Variants in PPP5C observed in about 807,000 individuals in gnomAD.
PPP5C encodes protein phosphatase 5 catalytic subunit.
PPP5C carries 21 observed loss-of-function variants against 66.7 expected under a neutral mutation model. The observed-to-expected ratio is 0.31, with a 90% CI of 0.22 to 0.45. The LOEUF (loss-of-function observed/expected upper bound fraction) is 0.45. PPP5C is among the 20% of genes least tolerant of loss of function. The pLI, the probability that PPP5C is intolerant of heterozygous loss-of-function variation, is 1.00. For synonymous variants in PPP5C, 246 were observed against 257.4 expected (o/e 0.96, Z 0.43); for missense variants, 464 against 675.9 (o/e 0.69, Z 3.48).
chr19:46,390,928 G>C lies in PPP5C; in HGVS notation c.*582G>C. 8.5e-7 allele frequency: 1 copy of C among 1,174,958 alleles called. No homozygotes were observed. The highest frequency in any genetic ancestry group is 1.1e-6 in the Non-Finnish European group (1 of 931,762). 72.8% of individuals were successfully genotyped at this position (1,174,958 alleles called of 1,614,324 possible). A position where few individuals can be genotyped will look rare whatever the true frequency, so the allele number is the denominator to read the frequency against. The stretch of plus-strand genomic sequence containing the variant: ...CTGCTCAGGAGATCCGGAGGGTGGG[G>C]AGGCCGCAAAGTCCCGCTGGCCGGG... On this transcript the variant is annotated 3_prime_UTR_variant, in exon 13 of 13. Transcript: ENST00000012443.
At chr19:46,389,425 A>T (rs1972965623) in intron 11 of PPP5C, among the ~76,000 whole-genome samples, 1 of 53,446 alleles carries the variant, frequency 1.9e-5, no homozygotes, top group African/African-American at 7.4e-5. Flanking sequence ...ACACACACAC[A>T]CACACACACA....
At chr19:46,371,988 C>T (rs1471836529) in intron 2 of PPP5C, among the ~76,000 whole-genome samples, 1 of 152,122 alleles carries the variant, frequency 6.6e-6, no homozygotes, top group Non-Finnish European at 1.5e-5. Context: ...AACAGTTGTT[C>T]TGGTAAGTTT....
chr19:46,383,975 G>A lies in PPP5C; in HGVS notation c.798+97G>A, dbSNP rs534637627. The A allele has an allele frequency of 2.1e-5, 22 of 1,065,952 alleles. 1 individual carries two copies. The Middle Eastern group carries it at 9.4e-4, about 45-fold the overall frequency. The allele number at this position is 1,065,952 out of a possible 1,614,324, so 66.0% of individuals were successfully genotyped here. A position where few individuals can be genotyped will look rare whatever the true frequency, so the allele number is the denominator to read the frequency against. On this transcript the variant is annotated intron_variant, in intron 6 of 12. Transcript: ENST00000012443. The surrounding 1 kb of genome is among the most constrained non-coding windows in gnomAD (Gnocchi z 5.0). ...GGAGGAGCCCTTGCCAGGAAAAGAC[G>A]TGACCTTGGAAAGGAGAGGCCTGGC...
At chr19:46,350,102 A>T in intron 1 of PPP5C, among the ~76,000 whole-genome samples, 1 of 151,966 alleles carries the variant, frequency 6.6e-6, no homozygotes, top group Non-Finnish European at 1.5e-5. Context: ...TGTTTTAGGA[A>T]CACCCCTCTG....
In PPP5C at chr19:46,355,258, G is replaced by A. The variant is rs574038204; in HGVS notation, c.363+1269G>A. On this transcript the variant is annotated intron_variant, in intron 2 of 12. Coordinates refer to ENST00000012443, the MANE Select transcript of PPP5C (RefSeq NM_006247.4). ...GCAGGGGGCTTGGTCAGTGTGTGTC[G>A]AGAGGATTGTTATCCTGCCCCCCGA... Among the ~76,000 whole-genome samples, 26 of 147,502 alleles carry A rather than the reference G, an allele frequency of 1.8e-4. 2 individuals are homozygous for A. The South Asian group carries it at 5.1e-3, about 29-fold the overall frequency.
At chr19:46,371,665 T>C (rs1978308) in intron 2 of PPP5C, among the ~76,000 whole-genome samples, 80,798 of 151,938 alleles carry the variant, frequency 0.53, 21,655 homozygotes, top group South Asian at 0.74. Flanking sequence ...CTCTGACTTA[T>C]TATACAGAGA....
At position 46,388,679 on chromosome 19, in the gene PPP5C, G is replaced by A. The variant is rs767506672; in HGVS notation, c.1303G>A (p.Glu435Lys). 6 of 1,614,062 alleles carry A rather than the reference G, an allele frequency of 3.7e-6. No homozygotes were observed. The highest frequency in any genetic ancestry group is 2.2e-5 in the East Asian group (1 of 44,882). Residue 435 changes from glutamate (E) to lysine (K), a missense_variant, in exon 11 of 13, where the codon GAG becomes AAG. Physicochemically the swap from Glu to Lys is moderately conservative, Grantham distance 56. Around this residue, in one of 2 missense-constraint regions of PPP5C, gnomAD observed 387 missense variants for 626.0 expected, o/e 0.62. Coordinates refer to ENST00000012443, the MANE Select transcript of PPP5C (RefSeq NM_006247.4). The surrounding 1 kb of genome is among the most constrained non-coding windows in gnomAD (Gnocchi z 4.9). Reference protein sequence around the residue: ...RSHEVKAEGYEVAHGGRCVTV... With the variant: ...RSHEVKAEGYKVAHGGRCVTV... Reference sequence around the variant, plus strand: ...CCACGAAGTCAAGGCCGAGGGCTACGAGGTGGCTCACGGAGGCCGCTGTGT... The same window carrying A: ...CCACGAAGTCAAGGCCGAGGGCTACAAGGTGGCTCACGGAGGCCGCTGTGT...
In PPP5C at chr19:46,390,361, C is replaced by T. The variant is rs146483627; in HGVS notation, c.*15C>T. The T allele has an allele frequency of 3.1e-4, 488 of 1,563,112 alleles. 3 individuals carry two copies. In the African/African-American group the frequency reaches 4.5e-3, roughly 14 times the overall value. On this transcript the variant is annotated 3_prime_UTR_variant, in exon 13 of 13. Transcript: ENST00000012443. ...GAATGATGTGAGGTGACGGGCGGGG[C>T]GGCCTGCATCCCAGGGCCCCTCCAA...
In PPP5C at chr19:46,390,871, G is replaced by T; in HGVS notation, c.*525G>T. 1 of 1,140,542 alleles carries T rather than the reference G, an allele frequency of 8.8e-7. No individual in the cohort carries two copies. Among genetic ancestry groups the T allele is most frequent in the East Asian group, 6.3e-5 (1 of 15,826 alleles). 70.7% of individuals were successfully genotyped at this position (1,140,542 alleles called of 1,614,324 possible). A position where few individuals can be genotyped will look rare whatever the true frequency, so the allele number is the denominator to read the frequency against. On this transcript the variant is annotated 3_prime_UTR_variant, in exon 13 of 13. Coordinates refer to ENST00000012443, the MANE Select transcript of PPP5C (RefSeq NM_006247.4). ...GAAGTCAGCTTGTCTCTGGATGGTG[G>T]AGCCGAAGGAGCTGCCCGGGTTGGG...
At chr19:46,352,876 G>A (rs16980461) in intron 1 of PPP5C, among the ~76,000 whole-genome samples, 18,218 of 151,880 alleles carry the variant, frequency 0.12, 1,653 homozygotes, top group East Asian at 0.39. Flanking sequence ...CTTGAGCACC[G>A]GCCTTTCTTC....
At chr19:46,353,711 G>A (rs776652198) in intron 1 of PPP5C, 37 bp from the exon 2 acceptor site, 1 of 1,612,690 alleles carries the variant, frequency 6.2e-7, no homozygotes, top group South Asian at 1.1e-5. Context: ...TCGCAGGGTT[G>A]GAGCACTGCC....
intron 2 of PPP5C, among the ~76,000 whole-genome samples, chr19:46,370,351 C>T (rs1972566635): frequency 6.6e-6 from 1 of 152,128 alleles, no homozygotes; most frequent in East Asian, 1.9e-4. Flanking sequence ...AAGACACAAA[C>T]GCAGACATTA....
At chr19:46,380,941 C>A (rs759065959) in intron 4 of PPP5C, among the ~76,000 whole-genome samples, 4 of 152,084 alleles carry the variant, frequency 2.6e-5, no homozygotes, top group Non-Finnish European at 5.9e-5. Flanking sequence ...GCCATTATTT[C>A]TTATATTTCT....
At chr19:46,380,480 A>G (rs914253691) in intron 4 of PPP5C, among the ~76,000 whole-genome samples, 2 of 152,238 alleles carry the variant, frequency 1.3e-5, no homozygotes, top group East Asian at 3.8e-4. Context: ...GAATACACAG[A>G]AAATGTCTTT....
chr19:46,352,342 C>A (rs1215331103), intron 1 of PPP5C, among the ~76,000 whole-genome samples: 1 of 152,174 alleles, frequency 6.6e-6, no homozygotes, highest in Non-Finnish European at 1.5e-5. Context: ...CTCTAGGAAA[C>A]CCTAGTCCAC....
intron 7 of PPP5C, among the ~76,000 whole-genome samples, chr19:46,386,075 G>T (rs1409288785): frequency 6.6e-6 from 1 of 152,222 alleles, no homozygotes; most frequent in Non-Finnish European, 1.5e-5. Context: ...TATCTGGAGG[G>T]CTATGGCTGC....
chr19:46,370,000 G>A (rs948999191), intron 2 of PPP5C, among the ~76,000 whole-genome samples: 3 of 151,878 alleles, frequency 2.0e-5, no homozygotes, highest in African/African-American at 7.3e-5. Context: ...TTGCAGGACT[G>A]GAAGTTTCAC....
At chr19:46,373,978 G>T (rs1444501671) in intron 2 of PPP5C, among the ~76,000 whole-genome samples, 1 of 152,194 alleles carries the variant, frequency 6.6e-6, no homozygotes, top group Admixed American at 6.5e-5. Flanking sequence ...AGGTATAGAG[G>T]GGTGGGAGGA....
At chr19:46,365,379 A>C (rs1972473231) in intron 2 of PPP5C, among the ~76,000 whole-genome samples, 1 of 152,066 alleles carries the variant, frequency 6.6e-6, no homozygotes, top group Non-Finnish European at 1.5e-5. Flanking sequence ...CAGCCTCCCA[A>C]AGTGCTGGGA....
Sources: gnomAD v4.1 joint callset for allele counts (sites outside exome capture counted in the v4.1 genomes callset) on GRCh38, gnomAD v4.1.1 for gene constraint, gnomAD v4.1.1 regional missense constraint, Gnocchi (gnomAD v3.1) non-coding constraint, MANE v1.5 for transcripts, NCBI Gene and HGNC (gene_info 2026-07-23, HGNC 2026-07-21) for gene names.